Variants in RBFOX1 observed in about 807,000 individuals in gnomAD.
RBFOX1 encodes the protein RNA binding fox-1 homolog 1, also known as RNA binding protein fox-1 homolog 1.
In RBFOX1, 8 loss-of-function variants were observed where a neutral mutation model predicts 57.7. That is an observed-to-expected ratio of 0.14 (90% CI 0.08 to 0.25). The LOEUF (loss-of-function observed/expected upper bound fraction) is 0.25. RBFOX1 is among the 10% of genes least tolerant of loss of function. The pLI is 1.00. For synonymous variants in RBFOX1, 326 were observed against 222.4 expected (o/e 1.47, Z -4.15); for missense variants, 611 against 548.5 (o/e 1.11, Z -1.14).
At chr16:5,306,016 A>G (rs1451095321) in intron 1 of RBFOX1, among the ~76,000 whole-genome samples, 1 of 152,016 alleles carries the variant, frequency 6.6e-6, no homozygotes, top group Non-Finnish European at 1.5e-5. Context: ...ATGTAGCAAG[A>G]CTCCCACCTC....
At chr16:6,377,273 CAAAAA>C (rs57044618) in intron 2 of RBFOX1, among the ~76,000 whole-genome samples, 5 of 88,548 alleles carry the variant, frequency 5.6e-5, no homozygotes, top group African/African-American at 7.8e-5. Context: ...GACCCTGTCT[CAAAAA>C]AAAAAAAAAA....
intron 1 of RBFOX1, among the ~76,000 whole-genome samples, chr16:6,176,929 C>T (rs1293726239): frequency 6.6e-6 from 1 of 152,100 alleles, no homozygotes; most frequent in African/African-American, 2.4e-5. Flanking sequence ...CTGTGACAAC[C>T]CCAGTGCCTG....
intron 4 of RBFOX1, among the ~76,000 whole-genome samples, chr16:7,133,989 A>C (rs17559799): frequency 6.6e-6 from 1 of 152,206 alleles, no homozygotes; most frequent in Non-Finnish European, 1.5e-5. Flanking sequence ...GCGGCATTCA[A>C]TTCTAAGCCT....
Position 6,579,827 on chromosome 16 carries a change from C to T in RBFOX1, c.-63-74776C>T, listed in dbSNP as rs763292107. On this transcript the variant is annotated intron_variant, in intron 2 of 15. Transcript: ENST00000550418. ...TCTCAAACTCCTGGTCTCAAGCTGT[C>T]CTCCCATATCAGCCTCCTAAAGTGC... Among the ~76,000 whole-genome samples, 6 of 152,194 alleles carry T rather than the reference C, an allele frequency of 3.9e-5. No individual in the cohort carries two copies. The South Asian group carries it at 1.0e-3, about 26-fold the overall frequency.
intron 4 of RBFOX1, among the ~76,000 whole-genome samples, chr16:7,122,756 T>C (rs2067482199): frequency 6.6e-6 from 1 of 152,170 alleles, no homozygotes; most frequent in Non-Finnish European, 1.5e-5. Context: ...ATAAAAAACA[T>C]GTACATGTCT....
chr16:5,311,017 T>G (rs2340758), intron 1 of RBFOX1, among the ~76,000 whole-genome samples: 151,928 of 152,212 alleles, frequency 1, 75,824 homozygotes, highest in Non-Finnish European at 1. Context: ...TGAGTCTTCA[T>G]TGTCTGTGAT....
At chr16:7,300,842 T>C (rs1338084934) in intron 4 of RBFOX1, among the ~76,000 whole-genome samples, 1 of 152,230 alleles carries the variant, frequency 6.6e-6, no homozygotes, top group Non-Finnish European at 1.5e-5. Flanking sequence ...TTGCCAATTT[T>C]CCTGCACTTT....
At chr16:5,992,835 G>C (rs898023523) in intron 4 of RBFOX1, among the ~76,000 whole-genome samples, 2 of 152,198 alleles carry the variant, frequency 1.3e-5, no homozygotes, top group African/African-American at 4.8e-5. Flanking sequence ...TCGGGAGGCT[G>C]ATACAGGAGA....
intron 3 of RBFOX1, among the ~76,000 whole-genome samples, chr16:6,747,719 T>G (rs764121517): frequency 2.6e-5 from 4 of 152,176 alleles, no homozygotes; most frequent in African/African-American, 4.8e-5. Flanking sequence ...ATATGTCTTC[T>G]GGGCACCATC....
intron 2 of RBFOX1, among the ~76,000 whole-genome samples, chr16:5,576,399 A>T (rs2046457955): frequency 6.6e-6 from 1 of 152,146 alleles, no homozygotes; most frequent in South Asian, 2.1e-4. Context: ...TCCAAAATTT[A>T]TATTCACCAA....
In RBFOX1 at chr16:6,478,415, ATATATATATATATAT is replaced by A. The variant is rs1378267242; in HGVS notation, c.-64+161360_-64+161374del. Among the ~76,000 whole-genome samples the A allele has an allele frequency of 7.6e-3, 168 of 22,196 alleles. 2 individuals carry two copies. The highest frequency in any genetic ancestry group is 0.027 in the East Asian group (36 of 1,352). 14.6% of individuals were successfully genotyped at this position (22,196 alleles called of 152,430 possible). ...TATATATATATATATATATATATAT[ATATATATATATATAT>A]TTTTTTTTTTTTTTTTTGTATTTTT... On this transcript the variant is annotated intron_variant, in intron 2 of 15. Transcript: ENST00000550418.
In RBFOX1 at chr16:5,334,848, A is replaced by G. The variant is rs9932103; in HGVS notation, c.219+94743A>G. Among the ~76,000 whole-genome samples the G allele has an allele frequency of 4.2e-3, 643 of 151,748 alleles. 7 individuals carry two copies. The highest frequency in any genetic ancestry group is 0.015 in the African/African-American group (602 of 41,430). Reference sequence around the variant, plus strand: ...GTTGGCCATCTTTAAGCATGGACACATCCTTAAGCTTGAACACTTAACCTG... The same window carrying G: ...GTTGGCCATCTTTAAGCATGGACACGTCCTTAAGCTTGAACACTTAACCTG... On this transcript the variant is annotated intron_variant, in intron 1 of 2. Transcript: ENST00000585867.
chr16:5,634,112 C>A (rs1455382784), intron 3 of RBFOX1, among the ~76,000 whole-genome samples: 1 of 152,184 alleles, frequency 6.6e-6, no homozygotes, highest in Non-Finnish European at 1.5e-5. Flanking sequence ...TTACCCTTTA[C>A]CTTTTATAGC....
intron 5 of RBFOX1, among the ~76,000 whole-genome samples, chr16:7,556,261 C>T (rs547023058): frequency 1.3e-5 from 2 of 152,194 alleles, no homozygotes; most frequent in African/African-American, 2.4e-5. Context: ...TTCGAACTTG[C>T]ATCTCCCAAC....
At chr16:6,676,792 C>T (rs917084524) in intron 3 of RBFOX1, among the ~76,000 whole-genome samples, 1 of 150,664 alleles carries the variant, frequency 6.6e-6, no homozygotes, top group Non-Finnish European at 1.5e-5. Flanking sequence ...TCTCCTGCCT[C>T]AGCCTCCCTA....
chr16:7,043,041 C>T (rs55988910), intron 3 of RBFOX1, among the ~76,000 whole-genome samples: 1 of 151,866 alleles, frequency 6.6e-6, no homozygotes, highest in African/African-American at 2.4e-5. Context: ...CCATCCTCCA[C>T]CCCCCACAAT....
intron 2 of RBFOX1, among the ~76,000 whole-genome samples, chr16:6,389,146 T>C (rs1376233764): frequency 2.0e-5 from 3 of 152,198 alleles, no homozygotes; most frequent in Non-Finnish European, 4.4e-5. Flanking sequence ...GTACGTTCAG[T>C]TCATGAGGAG....
intron 2 of RBFOX1, among the ~76,000 whole-genome samples, chr16:6,640,619 A>G (rs1303062313): frequency 6.6e-6 from 1 of 152,150 alleles, no homozygotes; most frequent in African/African-American, 2.4e-5. Context: ...AAATAAATAA[A>G]TAAATAAATA....
chr16:5,454,987 CT>C (rs767914428), intron 1 of RBFOX1, among the ~76,000 whole-genome samples: 1 of 97,388 alleles, frequency 1.0e-5, no homozygotes, highest in Non-Finnish European at 2.2e-5. Flanking sequence ...TTCTTTCTTT[CT>C]TTCTTTCTTT....
Sources: allele counts gnomAD v4.1 joint callset (sites outside exome capture counted in the v4.1 genomes callset), GRCh38; gene constraint gnomAD v4.1.1; transcripts MANE v1.5; gene names NCBI Gene and HGNC (gene_info 2026-07-23, HGNC 2026-07-21).